SPECC1L: variants seen among roughly 807,000 people sequenced by gnomAD.
The protein encoded by SPECC1L is sperm antigen with calponin homology and coiled-coil domains 1 like.
A neutral mutation model predicts 116.8 loss-of-function variants in SPECC1L; 40 were observed. The observed-to-expected ratio is 0.34, with a 90% confidence interval of 0.27 to 0.45. The LOEUF is 0.45. SPECC1L is among the 20% of genes least tolerant of loss of function. The probability of loss-of-function intolerance (pLI) is 1.00; values close to 1 mark genes in which losing one functional copy is unlikely to be tolerated. For missense variants in SPECC1L, 1,110 were observed against 1,373.6 expected, an observed-to-expected ratio of 0.81 and a Z score of 3.03; for synonymous variants, 504 against 500.6, an observed-to-expected ratio of 1.01 and a Z score of -0.09.
chr22:24,354,559 C>G (rs1249118879), intron 11 of SPECC1L, among the ~76,000 whole-genome samples: 1 of 152,254 alleles, frequency 6.6e-6, no homozygotes, highest in Non-Finnish European at 1.5e-5. Context: ...AATGCACCTT[C>G]CCTCCACCCC....
At chr22:24,392,788 G>A (rs1396381625) in intron 14 of SPECC1L, among the ~76,000 whole-genome samples, 2 of 152,208 alleles carry the variant, frequency 1.3e-5, no homozygotes, top group African/African-American at 4.8e-5. Flanking sequence ...GTGGGGCTTA[G>A]TGGGGATATC....
chr22:24,301,634 A>G (rs928828800), intron 2 of SPECC1L, among the ~76,000 whole-genome samples: 2 of 152,172 alleles, frequency 1.3e-5, no homozygotes, highest in African/African-American at 4.8e-5. Flanking sequence ...TGGGTACTCT[A>G]ATGTATGGTT....
At chr22:24,359,735 G>T (rs1326092785) in intron 11 of SPECC1L, among the ~76,000 whole-genome samples, 2 of 152,084 alleles carry the variant, frequency 1.3e-5, no homozygotes, top group Non-Finnish European at 2.9e-5. Flanking sequence ...ATTTCTTTGG[G>T]GGTATACTAA....
At chr22:24,315,807 C>T (rs2040551289) in intron 4 of SPECC1L, among the ~76,000 whole-genome samples, 1 of 152,240 alleles carries the variant, frequency 6.6e-6, no homozygotes, top group South Asian at 2.1e-4. Flanking sequence ...AGCCAGAAGT[C>T]TGAAATGAGG....
chr22:24,375,794 A>G (rs2041959699), intron 14 of SPECC1L, among the ~76,000 whole-genome samples: 1 of 152,100 alleles, frequency 6.6e-6, no homozygotes, highest in Non-Finnish European at 1.5e-5. Context: ...CTTTACTAAT[A>G]CAAAAACTAG....
intron 10 of SPECC1L, among the ~76,000 whole-genome samples, chr22:24,346,027 G>C (rs1325415750): frequency 1.3e-5 from 2 of 148,802 alleles, no homozygotes; most frequent in Admixed American, 1.3e-4. Context: ...TTTTTTTTGA[G>C]ATGGAGTCTC....
intron 14 of SPECC1L, among the ~76,000 whole-genome samples, chr22:24,405,494 C>G (rs779782307): frequency 6.6e-6 from 1 of 151,974 alleles, no homozygotes; most frequent in African/African-American, 2.4e-5. Flanking sequence ...TGGATTCATG[C>G]CATCTGCAAC....
rs1405179377 is a variant in SPECC1L, at chr22:24,330,867, G to A, written c.2396+436G>A. On this transcript the variant is annotated intron_variant, in intron 8 of 16. Coordinates refer to ENST00000314328, the MANE Select transcript of SPECC1L (RefSeq NM_015330.6). ...GCCTCAGTTTTCTCATCTTTAAAAT[G>A]ACACAATACTACCTGCCTTACAGTG... Among the ~76,000 whole-genome samples the A allele has an allele frequency of 1.3e-5, 2 of 152,138 alleles. 1 individual carries two copies. The highest frequency in any genetic ancestry group is 3.8e-4 in the East Asian group (2 of 5,196).
At position 24,321,893 on chromosome 22, in the gene SPECC1L, G is replaced by A. The variant is rs2040730204; in HGVS notation, c.913G>A (p.Asp305Asn). ...SPEITPGNQS[D>N]GGGTLTSSVE... Reference sequence around the variant, plus strand: ...AGAAATCACCCCTGGTAACCAGAGCGATGGAGGAGGAACTCTGACTTCTTC... The same window carrying A: ...AGAAATCACCCCTGGTAACCAGAGCAATGGAGGAGGAACTCTGACTTCTTC... The change falls in exon 5 of 17, where the codon GAT becomes AAT. Residue 305 changes from aspartate to asparagine, a missense_variant. By Grantham distance (23) the Asp-to-Asn change is conservative. This residue lies in a region of SPECC1L where 437 missense variants were observed against 482.6 expected (regional missense o/e 0.91). Coordinates refer to ENST00000314328, the MANE Select transcript of SPECC1L (RefSeq NM_015330.6). The A allele has an allele frequency of 4.3e-6, 7 of 1,614,112 alleles. No individual in the cohort carries two copies. Among genetic ancestry groups the A allele is most frequent in the Admixed American group, 1.7e-5 (1 of 60,008 alleles).
chr22:24,335,403 T>C (rs562662133), intron 9 of SPECC1L, among the ~76,000 whole-genome samples: 65 of 152,330 alleles, frequency 4.3e-4, no homozygotes, highest in African/African-American at 1.5e-3. Flanking sequence ...CCACTCACTA[T>C]AGTCCTACAC....
intron 14 of SPECC1L, among the ~76,000 whole-genome samples, chr22:24,380,469 T>C (rs2042044484): frequency 6.6e-6 from 1 of 152,218 alleles, no homozygotes; most frequent in African/African-American, 2.4e-5. Flanking sequence ...ACGTGCGTGC[T>C]TTATGAAGAA....
chr22:24,353,550 G>A (rs865781286), intron 11 of SPECC1L, among the ~76,000 whole-genome samples: 2 of 151,810 alleles, frequency 1.3e-5, no homozygotes, highest in Non-Finnish European at 2.9e-5. Context: ...GATTACAGGC[G>A]CATACCACCA....
At chr22:24,328,998 A>G in intron 7 of SPECC1L, 79 bp downstream of exon 7, 1 of 1,103,408 alleles carries the variant, frequency 9.1e-7, no homozygotes, top group Non-Finnish European at 1.4e-6. Context: ...CCATGTTATC[A>G]TTCATCTTAA....
intron 13 of SPECC1L, among the ~76,000 whole-genome samples, chr22:24,365,838 A>G (rs978593358): frequency 6.7e-6 from 1 of 150,160 alleles, no homozygotes; most frequent in African/African-American, 2.4e-5. Flanking sequence ...TTCCTCAAGC[A>G]GCTGTATCTT....
At chr22:24,314,184 A>G (rs1281967105) in intron 4 of SPECC1L, among the ~76,000 whole-genome samples, 1 of 152,130 alleles carries the variant, frequency 6.6e-6, no homozygotes, top group African/African-American at 2.4e-5. Flanking sequence ...AGCTAGGACT[A>G]CAGGCGCCCA....
At chr22:24,412,281 C>T (rs2042713784) in intron 15 of SPECC1L, 1 of 386,268 alleles carries the variant, frequency 2.6e-6, no homozygotes, top group Non-Finnish European at 5.0e-6. Context: ...TGTCAGCCCC[C>T]AGCCCTGCAG....
chr22:24,276,584 A>C (rs1374388216), intron 1 of SPECC1L, 116 bp from the exon 2 acceptor site: 1 of 310,320 alleles, frequency 3.2e-6, no homozygotes, highest in Non-Finnish European at 6.3e-6. Flanking sequence ...CTTGGGCAGC[A>C]TTGCAAGAGC....
intron 2 of SPECC1L, among the ~76,000 whole-genome samples, chr22:24,286,511 GGT>G (rs1264110926): frequency 6.6e-6 from 1 of 152,128 alleles, no homozygotes; most frequent in African/African-American, 2.4e-5. Flanking sequence ...TGAGTCATAT[GGT>G]GTGTTTCGGC....
intron 7 of SPECC1L, among the ~76,000 whole-genome samples, chr22:24,329,807 T>A (rs533190282): frequency 4.6e-5 from 7 of 152,232 alleles, no homozygotes; most frequent in Non-Finnish European, 8.8e-5. Context: ...CTTTTGATTT[T>A]TTTTTTTCCT....
Sources: allele counts gnomAD v4.1 joint callset (sites outside exome capture counted in the v4.1 genomes callset), GRCh38; gene constraint gnomAD v4.1.1; regional missense constraint gnomAD v4.1.1; transcripts MANE v1.5; gene names NCBI Gene and HGNC (gene_info 2026-07-23, HGNC 2026-07-21).